The following MEIS1 variants were observed in gnomAD, a reference collection of about 807,000 sequenced individuals.
MEIS1 encodes Meis homeobox 1, also known as homeobox protein Meis1.
MEIS1 carries 5 observed loss-of-function variants against 50.8 expected under a neutral mutation model. That is an observed-to-expected ratio of 0.10 (90% CI 0.05 to 0.21). The LOEUF is 0.21. Ranked by LOEUF, MEIS1 falls within the 10% of genes least tolerant of loss-of-function variation. The pLI, the probability that MEIS1 is intolerant of heterozygous loss-of-function variation, is 1.00. For missense variants in MEIS1, 318 were observed against 517.3 expected, an observed-to-expected ratio of 0.61 and a Z score of 3.74; for synonymous variants, 176 against 179.3, an observed-to-expected ratio of 0.98 and a Z score of 0.15.
chr2:66,449,907 G>A (rs577068772), intron 6 of MEIS1, among the ~76,000 whole-genome samples: 1 of 151,968 alleles, frequency 6.6e-6, no homozygotes, highest in East Asian at 1.9e-4. Flanking sequence ...TACTATCAAG[G>A]GTTGATTCTC....
chr2:66,469,104 A>G (rs919747618), intron 7 of MEIS1, among the ~76,000 whole-genome samples: 5 of 152,128 alleles, frequency 3.3e-5, no homozygotes, highest in African/African-American at 1.2e-4. Context: ...TCAACCCTAA[A>G]GGCTTTTAAT....
chr2:66,441,982 C>T lies in MEIS1; in HGVS notation c.483+518C>T, dbSNP rs113195313. The T allele has an allele frequency of 8.7e-3, 1,377 of 158,688 alleles. 28 individuals carry two copies. The highest frequency in any genetic ancestry group is 0.032 in the African/African-American group (1,314 of 41,536). The allele number at this position is 158,688 out of a possible 1,614,324, so 9.8% of individuals were successfully genotyped here. A position where few individuals can be genotyped will look rare whatever the true frequency, so the allele number is the denominator to read the frequency against. On this transcript the variant is annotated intron_variant, in intron 5 of 12. Coordinates refer to ENST00000272369, the MANE Select transcript of MEIS1 (RefSeq NM_002398.3). ...GGAGGTGGTGGGGAGGCACATTAAA[C>T]GTTTTGCAGAGACAAAGCAGAGTTG...
intron 6 of MEIS1, among the ~76,000 whole-genome samples, chr2:66,446,418 C>T (rs867549650): frequency 2.0e-5 from 3 of 152,160 alleles, no homozygotes; most frequent in Non-Finnish European, 4.4e-5. Context: ...GGAGCAGAGT[C>T]TCTAGGCCCC....
chr2:66,561,720 A>G (rs1675216948), intron 9 of MEIS1, among the ~76,000 whole-genome samples: 1 of 152,244 alleles, frequency 6.6e-6, no homozygotes, highest in African/African-American at 2.4e-5. Context: ...CTTCTTAGGT[A>G]CTTGCAGATG....
chr2:66,517,714 G>T (rs916949965), intron 8 of MEIS1, among the ~76,000 whole-genome samples: 1 of 152,106 alleles, frequency 6.6e-6, no homozygotes, highest in African/African-American at 2.4e-5. Context: ...AAATGGAGTC[G>T]ATTATTTAAT....
chr2:66,571,158 G>A, intron 12 of MEIS1, 88 bp from the exon 13 acceptor site: 1 of 1,355,650 alleles, frequency 7.4e-7, no homozygotes, highest in Non-Finnish European at 1.0e-6. Context: ...AGGGTTCTCT[G>A]GCTTTTATAG....
chr2:66,482,566 G>A (rs1367374738), intron 7 of MEIS1, among the ~76,000 whole-genome samples: 2 of 152,164 alleles, frequency 1.3e-5, no homozygotes, highest in African/African-American at 4.8e-5. Context: ...TGACATATGA[G>A]GAAGGATCTT....
intron 7 of MEIS1, among the ~76,000 whole-genome samples, chr2:66,498,136 G>A (rs553061687): frequency 1.4e-4 from 22 of 152,280 alleles, no homozygotes; most frequent in African/African-American, 5.3e-4. Context: ...TTGGAGCTTT[G>A]AGTGGGGGAT....
chr2:66,504,390 C>T (rs936537746), intron 7 of MEIS1, among the ~76,000 whole-genome samples: 5 of 152,156 alleles, frequency 3.3e-5, no homozygotes, highest in South Asian at 2.1e-4. Context: ...TGCATCACTG[C>T]GCCTGGCCAA....
At position 66,568,789 on chromosome 2, in the gene MEIS1, T is replaced by G. The variant is rs772953078; in HGVS notation, c.1114+33T>G. On this transcript the variant is annotated intron_variant, in intron 11 of 12. Transcript: ENST00000272369. Reference sequence around the variant, plus strand: ...TTTGTTTTTGTGGTAGTTCCTCATTTTTGACTCCAAGAGTGTCATCCCCTC... The same window carrying G: ...TTTGTTTTTGTGGTAGTTCCTCATTGTTGACTCCAAGAGTGTCATCCCCTC... 3 of 1,571,980 alleles carry G rather than the reference T, an allele frequency of 1.9e-6. No homozygotes were observed. In the South Asian group the frequency reaches 3.3e-5, roughly 17 times the overall value.
At chr2:66,543,548 G>A (rs1050684442) in intron 8 of MEIS1, among the ~76,000 whole-genome samples, 1 of 152,124 alleles carries the variant, frequency 6.6e-6, no homozygotes, top group African/African-American at 2.4e-5. Flanking sequence ...GTTTAATGCT[G>A]GAAGGGAGGG....
intron 8 of MEIS1, among the ~76,000 whole-genome samples, chr2:66,530,782 C>T (rs1310856561): frequency 6.6e-6 from 1 of 152,074 alleles, no homozygotes; most frequent in African/African-American, 2.4e-5. Flanking sequence ...GAAGTTTGTG[C>T]CATCATATGT....
intron 8 of MEIS1, among the ~76,000 whole-genome samples, chr2:66,512,671 C>T (rs1189482759): frequency 6.6e-6 from 1 of 152,120 alleles, no homozygotes; most frequent in Non-Finnish European, 1.5e-5. Flanking sequence ...TCTTCTGATG[C>T]TTTAGTGGAT....
chr2:66,503,736 A>ATT (rs70943702), intron 7 of MEIS1, among the ~76,000 whole-genome samples: 67 of 77,824 alleles, frequency 8.6e-4, no homozygotes, highest in African/African-American at 1.9e-3. Context: ...TATATGGGGC[A>ATT]TTTTTTTTTT....
chr2:66,519,261 C>A (rs1674051245), intron 8 of MEIS1, among the ~76,000 whole-genome samples: 1 of 152,288 alleles, frequency 6.6e-6, no homozygotes, highest in Non-Finnish European at 1.5e-5. Flanking sequence ...CCCAAGCTTA[C>A]CTTTGATAGA....
At chr2:66,559,861 A>G (rs1022899997) in intron 9 of MEIS1, among the ~76,000 whole-genome samples, 5 of 152,280 alleles carry the variant, frequency 3.3e-5, no homozygotes, top group African/African-American at 1.2e-4. Context: ...CCATGGTGTG[A>G]TCATGATTCA....
intron 7 of MEIS1, among the ~76,000 whole-genome samples, chr2:66,497,901 T>C (rs1050506379): frequency 1.3e-5 from 2 of 152,194 alleles, no homozygotes; most frequent in Non-Finnish European, 2.9e-5. Context: ...CTTAATGTGA[T>C]GGGACTATTT....
chr2:66,559,001 G>A (rs933517257), intron 9 of MEIS1, among the ~76,000 whole-genome samples: 2 of 152,012 alleles, frequency 1.3e-5, no homozygotes, highest in Non-Finnish European at 2.9e-5. Context: ...AATTAGCTGG[G>A]CATGTTGGTG....
At chr2:66,537,562 C>A (rs181203360) in intron 8 of MEIS1, among the ~76,000 whole-genome samples, 1 of 152,304 alleles carries the variant, frequency 6.6e-6, no homozygotes, top group Admixed American at 6.5e-5. Flanking sequence ...ATCTTTTTCT[C>A]TCTCAAAAAT....
Sources: gnomAD v4.1 joint callset for allele counts (sites outside exome capture counted in the v4.1 genomes callset) on GRCh38, gnomAD v4.1.1 for gene constraint, MANE v1.5 for transcripts, NCBI Gene and HGNC (gene_info 2026-07-23, HGNC 2026-07-21) for gene names.